Variants in TTC7B observed in about 807,000 individuals in gnomAD.
The protein encoded by TTC7B is tetratricopeptide repeat domain 7B.
TTC7B carries 28 observed loss-of-function variants against 106.8 expected under a neutral mutation model. The ratio of observed to expected loss-of-function variants is 0.26; its 90% confidence interval spans 0.19 to 0.36. TTC7B has a LOEUF of 0.36. TTC7B is among the 10% of genes least tolerant of loss of function. TTC7B has a pLI of 1.00. For synonymous variants in TTC7B, 405 were observed against 430.6 expected (o/e 0.94, Z 0.74); for missense variants, 862 against 1,076.4 (o/e 0.80, Z 2.79).
intron 4 of TTC7B, among the ~76,000 whole-genome samples, chr14:90,737,546 G>GTTTTTTTTT (rs71461922): frequency 1.1e-5 from 1 of 91,768 alleles, no homozygotes; most frequent in Non-Finnish European, 2.2e-5. Flanking sequence ...GTATGATTCT[G>GTTTTTTTTT]TTTTTTTTTT....
chr14:90,703,663 G>A (rs913289176), intron 5 of TTC7B, among the ~76,000 whole-genome samples: 2 of 152,246 alleles, frequency 1.3e-5, no homozygotes, highest in Non-Finnish European at 2.9e-5. Flanking sequence ...AGCAGAGGTG[G>A]GTGAAGACAG....
At chr14:90,664,536 G>A (rs1947170020) in intron 9 of TTC7B, among the ~76,000 whole-genome samples, 1 of 152,208 alleles carries the variant, frequency 6.6e-6, no homozygotes, top group South Asian at 2.1e-4. Flanking sequence ...CTCCCAAAGT[G>A]CTGGGATTAC....
At chr14:90,605,070 A>G (rs1892582275) in intron 17 of TTC7B, among the ~76,000 whole-genome samples, 1 of 152,188 alleles carries the variant, frequency 6.6e-6, no homozygotes, top group African/African-American at 2.4e-5. Flanking sequence ...CCTAATGAAT[A>G]TAAAGTTGGG....
chr14:90,539,922 C>T lies in TTC7B; in HGVS notation c.*1446G>A, dbSNP rs1889516119. 2 of 152,248 alleles carry T rather than the reference C, an allele frequency of 1.3e-5. No individual in the cohort carries two copies. The highest frequency in any genetic ancestry group is 6.5e-5 in the Admixed American group (1 of 15,284). 9.4% of individuals were successfully genotyped at this position (152,248 alleles called of 1,614,324 possible). A position where few individuals can be genotyped will look rare whatever the true frequency, so the allele number is the denominator to read the frequency against. ...TCTGTGGCTCCCGCTCTGACTGGAC[C>T]GCTTTAGGTCACATGCTCACTCCTG... On this transcript the variant is annotated 3_prime_UTR_variant, in exon 20 of 20. Transcript: ENST00000328459.
intron 19 of TTC7B, among the ~76,000 whole-genome samples, chr14:90,561,697 T>C (rs1890590777): frequency 6.6e-6 from 1 of 152,328 alleles, no homozygotes; most frequent in South Asian, 2.1e-4. Flanking sequence ...AAGCCACTTC[T>C]GCTCCTGACA....
chr14:90,676,472 C>A, intron 9 of TTC7B, 51 bp downstream of exon 9: 1 of 1,597,626 alleles, frequency 6.3e-7, no homozygotes, highest in South Asian at 1.1e-5. Flanking sequence ...CTGGGGTCAC[C>A]GTGCAACTGC....
In TTC7B at chr14:90,657,383, T is replaced by C. The variant is rs1885994809; in HGVS notation, c.1237-105A>G. ...TGGTCAGGGTGACCTCCTCGTGGGC[T>C]TGTCCAACTTTAAGCCCAAGCAAGC... On this transcript the variant is annotated intron_variant, in intron 10 of 19. Transcript: ENST00000328459. This position sits in a 1 kb window ranked among gnomAD's most constrained non-coding sequence, Gnocchi z 4.2. 2 of 1,047,994 alleles carry C rather than the reference T, an allele frequency of 1.9e-6. No individual in the cohort carries two copies. Among genetic ancestry groups the C allele is most frequent in the Non-Finnish European group, 2.8e-6 (2 of 725,452 alleles). The allele number at this position is 1,047,994 out of a possible 1,614,324, so 64.9% of individuals were successfully genotyped here.
intron 3 of TTC7B, among the ~76,000 whole-genome samples, chr14:90,746,007 A>T (rs546115018): frequency 6.6e-6 from 1 of 152,038 alleles, no homozygotes; most frequent in African/African-American, 2.4e-5. Flanking sequence ...CTGGCCTCAA[A>T]TTTTGTCATT....
intron 1 of TTC7B, among the ~76,000 whole-genome samples, chr14:90,792,782 C>G (rs970218067): frequency 6.6e-6 from 1 of 151,908 alleles, no homozygotes; most frequent in Non-Finnish European, 1.5e-5. Context: ...AAGCTTGCAC[C>G]AAGAATGTGA....
At chr14:90,546,373 G>A (rs939241860) in intron 19 of TTC7B, among the ~76,000 whole-genome samples, 9 of 152,316 alleles carry the variant, frequency 5.9e-5, no homozygotes, top group South Asian at 4.1e-4. Flanking sequence ...TCTCTCCTCC[G>A]GAGATCAAAG....
chr14:90,783,680 T>C (rs1891290469), intron 2 of TTC7B, among the ~76,000 whole-genome samples: 1 of 152,322 alleles, frequency 6.6e-6, no homozygotes, highest in South Asian at 2.1e-4. Flanking sequence ...CTCAGGCCTG[T>C]AATCCCAGCA....
At chr14:90,568,680 G>A (rs541167150) in intron 19 of TTC7B, among the ~76,000 whole-genome samples, 40 of 152,314 alleles carry the variant, frequency 2.6e-4, no homozygotes, top group Non-Finnish European at 4.3e-4. Context: ...AAATGCTGCA[G>A]TGGTAGGAGA....
chr14:90,718,306 CAA>C (rs1888740609), intron 5 of TTC7B, among the ~76,000 whole-genome samples: 1 of 152,194 alleles, frequency 6.6e-6, no homozygotes. Context: ...CCTACAAGAC[CAA>C]ACTTCCACTG....
chr14:90,706,436 T>TA (rs1225626337), intron 5 of TTC7B, among the ~76,000 whole-genome samples: 1 of 152,220 alleles, frequency 6.6e-6, no homozygotes, highest in African/African-American at 2.4e-5. Context: ...GTGCTGGGAT[T>TA]ACAGGGGTGA....
Position 90,529,180 on chromosome 14 carries a change from G to T in TTC7B, c.*12188C>A, listed in dbSNP as rs1889223715. ...CTTTGTTACCTGTTTCTGATGGCGT[G>T]ACCTGACTGCGCTTTGTTACCTCTT... On this transcript the variant is annotated 3_prime_UTR_variant, in exon 20 of 20. Transcript: ENST00000328459. 2 of 153,940 alleles carry T rather than the reference G, an allele frequency of 1.3e-5. No homozygotes were observed. Among genetic ancestry groups the T allele is most frequent in the Admixed American group, 1.3e-4 (2 of 15,298 alleles). The allele number at this position is 153,940 out of a possible 1,614,324, so 9.5% of individuals were successfully genotyped here.
At position 90,799,981 on chromosome 14, in the gene TTC7B, C is replaced by T. The variant is rs555225392; in HGVS notation, c.122-13653G>A. Among the ~76,000 whole-genome samples, 621 of 152,102 alleles carry T rather than the reference C, an allele frequency of 4.1e-3. 2 individuals carry two copies. Among genetic ancestry groups the T allele is most frequent in the Middle Eastern group, 6.8e-3 (2 of 294 alleles). On this transcript the variant is annotated intron_variant, in intron 1 of 19. Coordinates refer to ENST00000328459, the MANE Select transcript of TTC7B (RefSeq NM_001010854.2). Reference sequence around the variant, plus strand: ...AGTAGCTGGGACTACTACAGGCGCCCGCCACCACGCCCAGCTAATTTTTGG... The same window carrying T: ...AGTAGCTGGGACTACTACAGGCGCCTGCCACCACGCCCAGCTAATTTTTGG...
intron 5 of TTC7B, among the ~76,000 whole-genome samples, chr14:90,714,460 T>TC (rs1888574418): frequency 4.7e-5 from 7 of 149,784 alleles, no homozygotes; most frequent in Admixed American, 4.7e-4. Context: ...TGTATAAATT[T>TC]TTTTTTTTTT....
chr14:90,637,929 G>A (rs1006006097), intron 15 of TTC7B, among the ~76,000 whole-genome samples: 3 of 152,122 alleles, frequency 2.0e-5, no homozygotes, highest in Admixed American at 2.0e-4. Context: ...GCAGGGCCTC[G>A]CTCTGTTGCC....
chr14:90,564,364 T>C (rs1480500554), intron 19 of TTC7B, among the ~76,000 whole-genome samples: 2 of 152,176 alleles, frequency 1.3e-5, no homozygotes, highest in African/African-American at 4.8e-5. Context: ...AGGTGTGCCA[T>C]CATCCAGGCT....
Sources: gnomAD v4.1 joint callset for allele counts (sites outside exome capture counted in the v4.1 genomes callset) on GRCh38, gnomAD v4.1.1 for gene constraint, Gnocchi (gnomAD v3.1) non-coding constraint, MANE v1.5 for transcripts, NCBI Gene and HGNC (gene_info 2026-07-23, HGNC 2026-07-21) for gene names.